The following RPS6KC1 variants were observed in gnomAD, a reference collection of about 807,000 sequenced individuals.
RPS6KC1 encodes the protein ribosomal protein S6 kinase C1.
Under a neutral mutation model 103.8 loss-of-function variants are expected in RPS6KC1, and 54 were observed. That is an observed-to-expected ratio of 0.52 (90% CI 0.42 to 0.65). The LOEUF is 0.65. Among genes scored for constraint, RPS6KC1 ranks in the 30% least tolerant of loss-of-function variants. RPS6KC1 has a pLI of 0.00. For missense variants in RPS6KC1, 1,151 were observed against 1,253.8 expected (o/e 0.92, Z 1.24); for synonymous variants, 439 against 438.7 (o/e 1.00, Z -0.01).
chr1:213,822,920 C>T, the RPS6KC1 span, among the ~76,000 whole-genome samples: 1 of 152,174 alleles, frequency 6.6e-6, no homozygotes, highest in Non-Finnish European at 1.5e-5. Context: ...TTACAGCAGT[C>T]AGAGTGATCA....
chr1:213,741,017 C>CATATATATATCTCAGATATATAT, the RPS6KC1 span, among the ~76,000 whole-genome samples: 1 of 147,760 alleles, frequency 6.8e-6, no homozygotes, highest in African/African-American at 2.5e-5. Flanking sequence ...TATATATACA[C>CATATATATATCTCAGATATATAT]ACACATATGT....
Position 213,261,695 on chromosome 1 carries a change from A to G in RPS6KC1, c.2994+55A>G, listed in dbSNP as rs990275688. 1.0e-5 allele frequency: 15 copies of G among 1,444,706 alleles called. No individual in the cohort carries two copies. The African/African-American group carries it at 1.8e-4, about 18-fold the overall frequency. 89.5% of individuals were successfully genotyped at this position (1,444,706 alleles called of 1,614,324 possible). On this transcript the variant is annotated intron_variant, in intron 13 of 14. Coordinates refer to ENST00000366960, the MANE Select transcript of RPS6KC1 (RefSeq NM_012424.6). Reference sequence around the variant, plus strand: ...TTACTCAGATGCTACCTTGATTTCAAATTAAGAACATTAGCCTTCACCCTT... The same window carrying G: ...TTACTCAGATGCTACCTTGATTTCAGATTAAGAACATTAGCCTTCACCCTT...
the RPS6KC1 span, among the ~76,000 whole-genome samples, chr1:213,359,650 A>C: frequency 1.3e-4 from 13 of 103,466 alleles, no homozygotes; most frequent in Admixed American, 1.2e-3. Flanking sequence ...TCTTCCTAGC[A>C]TCGATGGTCT....
chr1:213,503,313 A>G, the RPS6KC1 span, among the ~76,000 whole-genome samples: 1 of 152,118 alleles, frequency 6.6e-6, no homozygotes, highest in African/African-American at 2.4e-5. Context: ...CAGTCTTTTC[A>G]CAGCAAGCCA....
chr1:213,467,640 TA>T, the RPS6KC1 span, among the ~76,000 whole-genome samples: 14 of 152,216 alleles, frequency 9.2e-5, no homozygotes, highest in African/African-American at 2.4e-4. Context: ...GGATTGAGGA[TA>T]GGGGTAAAAA....
the RPS6KC1 span, among the ~76,000 whole-genome samples, chr1:213,799,127 T>A: frequency 6.6e-6 from 1 of 152,236 alleles, no homozygotes; most frequent in Non-Finnish European, 1.5e-5. Context: ...TAATTCTTCC[T>A]TCCTTCTGTC....
At chr1:213,091,430 G>C (rs148569577) in intron 3 of RPS6KC1, among the ~76,000 whole-genome samples, 22 of 152,146 alleles carry the variant, frequency 1.4e-4, no homozygotes, top group African/African-American at 4.8e-4. Context: ...CTTGATGTGT[G>C]GTAATTTCAT....
At chr1:213,284,809 A>G in the RPS6KC1 span, among the ~76,000 whole-genome samples, 1 of 152,214 alleles carries the variant, frequency 6.6e-6, no homozygotes, top group East Asian at 1.9e-4. Context: ...CAAAAAAAGG[A>G]AAAAGTACTT....
the RPS6KC1 span, among the ~76,000 whole-genome samples, chr1:213,595,402 A>G: frequency 6.6e-6 from 1 of 152,268 alleles, no homozygotes; most frequent in East Asian, 1.9e-4. Context: ...TCCAGTCCCT[A>G]CCAGAGCATC....
Position 213,270,778 on chromosome 1 carries a change from G to A in RPS6KC1, c.3091-1746G>A, listed in dbSNP as rs187509175. ...CAGACAATTCAGTTTTAAAATGGGC[G>A]GAAAGTTAGATATTTCACCAAGAAA... On this transcript the variant is annotated intron_variant, in intron 14 of 14. Transcript: ENST00000366960. Among the ~76,000 whole-genome samples the A allele has an allele frequency of 3.1e-3, 473 of 152,142 alleles. 1 individual carries two copies. Among genetic ancestry groups the A allele is most frequent in the Non-Finnish European group, 4.7e-3 (319 of 67,986 alleles).
the RPS6KC1 span, among the ~76,000 whole-genome samples, chr1:213,649,918 A>G: frequency 6.6e-6 from 1 of 152,122 alleles, no homozygotes. Context: ...ATCCCGAGCA[A>G]TATCTTCTAG....
the RPS6KC1 span, among the ~76,000 whole-genome samples, chr1:213,365,181 G>T: frequency 6.6e-6 from 1 of 152,210 alleles, no homozygotes; most frequent in Non-Finnish European, 1.5e-5. Flanking sequence ...TATTAAGACG[G>T]TATGCATTGT....
At chr1:213,278,177 C>G (rs1420948288), downstream of RPS6KC1, among the ~76,000 whole-genome samples, 1 of 151,644 alleles carries the variant, frequency 6.6e-6, no homozygotes, top group African/African-American at 2.4e-5. Flanking sequence ...TGTACTCCAT[C>G]CTGGGCAACA....
chr1:213,101,498 G>C (rs2082016351), intron 3 of RPS6KC1, among the ~76,000 whole-genome samples: 2 of 152,242 alleles, frequency 1.3e-5, no homozygotes, highest in East Asian at 3.9e-4. Context: ...AAATGCTTTT[G>C]ACATTTATTC....
intron 4 of RPS6KC1, among the ~76,000 whole-genome samples, chr1:213,113,514 G>C (rs1370477275): frequency 2.0e-5 from 3 of 150,340 alleles, no homozygotes; most frequent in Non-Finnish European, 4.5e-5. Context: ...TAGGTTGCCT[G>C]TTCACTCTGA....
At chr1:213,861,903 C>T in the RPS6KC1 span, among the ~76,000 whole-genome samples, 5 of 152,098 alleles carry the variant, frequency 3.3e-5, no homozygotes, top group Non-Finnish European at 5.9e-5. Context: ...CCTTTTTGCT[C>T]CCCGGGCTCC....
the RPS6KC1 span, among the ~76,000 whole-genome samples, chr1:213,475,102 G>T: frequency 2.6e-5 from 4 of 152,236 alleles, no homozygotes; most frequent in Non-Finnish European, 5.9e-5. Flanking sequence ...CAAAGTGAGT[G>T]ATTGCGGGGC....
chr1:213,224,166 AC>A (rs2093906007), intron 8 of RPS6KC1, among the ~76,000 whole-genome samples: 1 of 152,100 alleles, frequency 6.6e-6, no homozygotes, highest in African/African-American at 2.4e-5. Context: ...CTTTTGGTGT[AC>A]CCCTTCTCCC....
chr1:213,393,524 A>G, the RPS6KC1 span, among the ~76,000 whole-genome samples: 123 of 152,352 alleles, frequency 8.1e-4, no homozygotes, highest in South Asian at 2.3e-3. Context: ...CCTTCTGAGC[A>G]AAAAAGACCA....
Sources: gnomAD v4.1 joint callset for allele counts (sites outside exome capture counted in the v4.1 genomes callset) on GRCh38, gnomAD v4.1.1 for gene constraint, MANE v1.5 for transcripts, NCBI Gene and HGNC (gene_info 2026-07-23, HGNC 2026-07-21) for gene names.